The following SH3RF3 variants were observed in gnomAD, a reference collection of about 807,000 sequenced individuals.
SH3RF3 encodes the protein E3 ubiquitin-protein ligase SH3RF3.
In SH3RF3, 29 loss-of-function variants were observed where a neutral mutation model predicts 66.3. The observed-to-expected ratio is 0.44, with a 90% CI of 0.33 to 0.60. The LOEUF (loss-of-function observed/expected upper bound fraction) is 0.60. Among genes scored for constraint, SH3RF3 ranks in the 20% least tolerant of loss-of-function variants. The pLI, the probability that SH3RF3 is intolerant of heterozygous loss-of-function variation, is 0.04. For missense variants in SH3RF3, 1,194 were observed against 1,190.9 expected (o/e 1.00, Z -0.04); for synonymous variants, 583 against 532.0 (o/e 1.10, Z -1.32).
In SH3RF3 at chr2:109,498,146, C is replaced by T. The variant is rs143257499; in HGVS notation, c.2481-3357C>T. ...GGGAGGAAGGAGGTGCCTCCGCCTG[C>T]CCTCCTTCCTTCCCGCCTGCATGTC... On this transcript the variant is annotated intron_variant, in intron 9 of 9. Transcript: ENST00000309415. 3.8e-3 allele frequency among the ~76,000 whole-genome samples: 580 copies of T among 152,326 alleles called. 4 individuals carry two copies. The highest frequency in any genetic ancestry group is 0.013 in the African/African-American group (543 of 41,584).
chr2:109,448,526 A>G (rs1677772578), intron 7 of SH3RF3, among the ~76,000 whole-genome samples: 1 of 152,146 alleles, frequency 6.6e-6, no homozygotes, highest in Non-Finnish European at 1.5e-5. Flanking sequence ...TAGGAGAGCA[A>G]ACCTTACTCC....
intron 1 of SH3RF3, among the ~76,000 whole-genome samples, chr2:109,277,363 C>T (rs1452068116): frequency 6.6e-6 from 1 of 152,192 alleles, no homozygotes; most frequent in Non-Finnish European, 1.5e-5. Flanking sequence ...ATTTCATTTA[C>T]TGCTCTTTAT....
At chr2:109,216,271 G>C (rs1016181713) in intron 1 of SH3RF3, among the ~76,000 whole-genome samples, 3 of 152,218 alleles carry the variant, frequency 2.0e-5, no homozygotes, top group Non-Finnish European at 4.4e-5. Context: ...GCCAGCTCTA[G>C]CCCTGACTTA....
At chr2:109,363,871 G>A (rs143056706) in intron 2 of SH3RF3, among the ~76,000 whole-genome samples, 177 of 152,136 alleles carry the variant, frequency 1.2e-3, no homozygotes, top group Non-Finnish European at 1.7e-3. Context: ...TTTCCCCTCT[G>A]ACTTCTTTCA....
At chr2:109,218,219 C>T (rs1401000580) in intron 1 of SH3RF3, among the ~76,000 whole-genome samples, 2 of 151,956 alleles carry the variant, frequency 1.3e-5, no homozygotes, top group Non-Finnish European at 2.9e-5. Flanking sequence ...TAGTTTTCAT[C>T]AGGGTCCTTC....
rs767853981 is a variant in SH3RF3 at position 109,449,311 on chromosome 2, C to A, written c.1970C>A (p.Pro657Gln). ...VVSPQHSHQP[P>Q]VQMCPRPAIP... The stretch of plus-strand genomic sequence containing the variant: ...TCCCCGCAGCACAGCCACCAGCCCC[C>A]GGTGCAGATGTGCCCACGGCCGGCC... Residue 657 changes from proline to glutamine, a missense_variant, in exon 8 of 10, where the codon CCG (proline) becomes CAG (glutamine). Physicochemically the swap from Pro to Gln is moderately conservative, Grantham distance 76. Coordinates refer to ENST00000309415, the MANE Select transcript of SH3RF3 (RefSeq NM_001099289.3). The A allele has an allele frequency of 7.5e-6, 12 of 1,607,442 alleles. No individual in the cohort carries two copies. The East Asian group carries it at 8.9e-5, about 12-fold the overall frequency.
At chr2:109,362,638 G>A (rs961842255) in intron 2 of SH3RF3, among the ~76,000 whole-genome samples, 5 of 152,196 alleles carry the variant, frequency 3.3e-5, no homozygotes, top group African/African-American at 1.2e-4. Context: ...CTGATTTTCT[G>A]CTTGCTGTCT....
At chr2:109,290,808 G>A (rs1179828952) in intron 1 of SH3RF3, among the ~76,000 whole-genome samples, 1 of 152,194 alleles carries the variant, frequency 6.6e-6, no homozygotes, top group Non-Finnish European at 1.5e-5. Context: ...ACTCTTGATG[G>A]CTTCTAACAA....
chr2:109,230,447 G>C (rs1016764309), intron 1 of SH3RF3, among the ~76,000 whole-genome samples: 1 of 152,144 alleles, frequency 6.6e-6, no homozygotes, highest in Non-Finnish European at 1.5e-5. Flanking sequence ...GGGCATGATG[G>C]TGCATGCCTG....
intron 1 of SH3RF3, among the ~76,000 whole-genome samples, chr2:109,170,290 T>TC (rs773552101): frequency 8.6e-6 from 1 of 116,580 alleles, no homozygotes; most frequent in South Asian, 2.9e-4. Flanking sequence ...TTCTCTTCTC[T>TC]TCTCTTCTCT....
At chr2:109,413,717 T>C (rs1676653076) in intron 4 of SH3RF3, among the ~76,000 whole-genome samples, 1 of 152,218 alleles carries the variant, frequency 6.6e-6, no homozygotes, top group African/African-American at 2.4e-5. Flanking sequence ...AGCATAGACA[T>C]GTCATGAGGG....
intron 3 of SH3RF3, among the ~76,000 whole-genome samples, chr2:109,389,563 A>T (rs1275204860): frequency 6.6e-6 from 1 of 152,196 alleles, no homozygotes; most frequent in East Asian, 1.9e-4. Flanking sequence ...TTTGAAAACC[A>T]CTGCTCTAAG....
intron 1 of SH3RF3, among the ~76,000 whole-genome samples, chr2:109,214,553 A>G (rs577404104): frequency 1.3e-4 from 20 of 152,134 alleles, no homozygotes; most frequent in Middle Eastern, 6.8e-3. Context: ...AAGAAATTTC[A>G]TTGACATGAA....
At chr2:109,199,971 A>G (rs1046915437) in intron 1 of SH3RF3, among the ~76,000 whole-genome samples, 1 of 151,674 alleles carries the variant, frequency 6.6e-6, no homozygotes, top group Non-Finnish European at 1.5e-5. Context: ...GTGTCTGGGG[A>G]CAGTTTTGGT....
intron 2 of SH3RF3, among the ~76,000 whole-genome samples, chr2:109,367,894 C>T (rs1683181309): frequency 6.6e-6 from 1 of 152,170 alleles, no homozygotes. Context: ...AACTGCCTGC[C>T]CTACATTTAT....
At chr2:109,367,394 G>T (rs1013503436) in intron 2 of SH3RF3, among the ~76,000 whole-genome samples, 1 of 152,142 alleles carries the variant, frequency 6.6e-6, no homozygotes, top group Admixed American at 6.5e-5. Flanking sequence ...CAATTCTCCT[G>T]CCTCAGCCTC....
intron 2 of SH3RF3, among the ~76,000 whole-genome samples, chr2:109,353,395 G>A (rs1490026099): frequency 6.6e-6 from 1 of 152,238 alleles, no homozygotes; most frequent in Non-Finnish European, 1.5e-5. Context: ...GTGGGAGGGA[G>A]CACCCCACAC....
intron 7 of SH3RF3, among the ~76,000 whole-genome samples, chr2:109,438,385 C>G (rs1446259030): frequency 6.6e-6 from 1 of 152,148 alleles, no homozygotes; most frequent in African/African-American, 2.4e-5. Flanking sequence ...TCAGTGGGTG[C>G]AGGTGGACTT....
intron 1 of SH3RF3, among the ~76,000 whole-genome samples, chr2:109,152,781 C>T (rs890120452): frequency 1.3e-5 from 2 of 152,278 alleles, no homozygotes; most frequent in Admixed American, 6.5e-5. Flanking sequence ...CTCCCAGGCC[C>T]GATGGCCTGA....
Sources: allele counts gnomAD v4.1 joint callset (sites outside exome capture counted in the v4.1 genomes callset), GRCh38; gene constraint gnomAD v4.1.1; transcripts MANE v1.5; gene names NCBI Gene and HGNC (gene_info 2026-07-23, HGNC 2026-07-21).